Variants in IMPA2 observed in about 807,000 individuals in gnomAD.
The protein encoded by IMPA2 is inositol monophosphatase 2, also known as IMP 2.
In IMPA2, 32 loss-of-function variants were observed where a neutral mutation model predicts 35.1. The ratio of observed to expected loss-of-function variants is 0.91; its 90% CI spans 0.69 to 1.23. IMPA2 has a LOEUF of 1.23. IMPA2 is among the 50% of genes most tolerant of loss of function. IMPA2 has a pLI of 0.00. For synonymous variants in IMPA2, 135 were observed against 160.6 expected (o/e 0.84, Z 1.20); for missense variants, 334 against 387.6 (o/e 0.86, Z 1.16).
chr18:12,009,912 G>C lies in IMPA2; in HGVS notation c.260G>C (p.Gly87Ala). ...RFIAEEAAAS[G>A]AKCVLTHSPT... is the part of the protein sequence containing the mutation. ...ATTGCAGAAGAGGCCGCGGCTTCTG[G>C]GGCCAAGTGTGTGCTCACCCACAGC... The change falls in exon 3 of 8, where the codon GGG becomes GCG. Residue 87 changes from glycine (G) to alanine (A), a missense_variant. Gly to Ala is a moderately conservative substitution (Grantham distance 60). Coordinates refer to ENST00000269159, the MANE Select transcript of IMPA2 (RefSeq NM_014214.3). The C allele has an allele frequency of 6.2e-7, 1 of 1,614,124 alleles. No individual in the cohort carries two copies. The highest frequency in any genetic ancestry group is 8.5e-7 in the Non-Finnish European group (1 of 1,180,026).
At chr18:12,000,848 C>G (rs553307430) in intron 2 of IMPA2, among the ~76,000 whole-genome samples, 22 of 150,970 alleles carry the variant, frequency 1.5e-4, no homozygotes, top group Non-Finnish European at 3.1e-4. Flanking sequence ...ATCTCCTGAC[C>G]TCATGATCCG....
intron 1 of IMPA2, among the ~76,000 whole-genome samples, chr18:11,984,080 G>T (rs997357359): frequency 1.2e-4 from 18 of 152,180 alleles, no homozygotes; most frequent in Admixed American, 1.2e-3. Context: ...GCGGAAAGGT[G>T]AGGGAGCCGA....
At chr18:12,009,289 CA>C (rs575163199) in intron 2 of IMPA2, among the ~76,000 whole-genome samples, 91 of 152,004 alleles carry the variant, frequency 6.0e-4, no homozygotes, top group African/African-American at 2.2e-3. Context: ...AAAACAACAA[CA>C]AAAAAACCAG....
At chr18:12,008,286 G>C (rs573280274) in intron 2 of IMPA2, 2 of 506,664 alleles carry the variant, frequency 3.9e-6, no homozygotes, top group African/African-American at 3.9e-5. Context: ...GTGAGCCACC[G>C]CGCCTTGCTT....
At chr18:12,017,576 C>A in intron 5 of IMPA2, 1 of 426,678 alleles carries the variant, frequency 2.3e-6, no homozygotes, top group South Asian at 1.7e-5. Flanking sequence ...CTAGGAAGTA[C>A]GTATTTTTTA....
chr18:12,027,981 G>A (rs1235733699), intron 5 of IMPA2, 62 bp from the exon 6 acceptor site: 20 of 1,047,908 alleles, frequency 1.9e-5, no homozygotes, highest in Admixed American at 1.7e-5. Context: ...TTGGAAGCCT[G>A]TACTCCTTAG....
At chr18:11,984,084 G>A (rs566196687) in intron 1 of IMPA2, among the ~76,000 whole-genome samples, 7 of 152,276 alleles carry the variant, frequency 4.6e-5, no homozygotes, top group Admixed American at 4.6e-4. Context: ...AAAGGTGAGG[G>A]AGCCGAAGGA....
At chr18:12,019,742 C>T (rs190949505) in intron 5 of IMPA2, among the ~76,000 whole-genome samples, 3 of 151,988 alleles carry the variant, frequency 2.0e-5, no homozygotes, top group Non-Finnish European at 2.9e-5. Flanking sequence ...AGATTTTCAG[C>T]GCTTCTAAGT....
At chr18:12,011,469 C>G (rs1437461639) in intron 3 of IMPA2, among the ~76,000 whole-genome samples, 1 of 152,218 alleles carries the variant, frequency 6.6e-6, no homozygotes, top group African/African-American at 2.4e-5. Context: ...GCGGCTCATC[C>G]CAAGGTCCCA....
In IMPA2 at chr18:11,981,687, G is replaced by A; in HGVS notation, c.18G>A (p.Glu6=). Reference sequence around the variant, plus strand: ...AGGCCGCGATGAAGCCGAGCGGCGAGGACCAGGCGGCGCTGGCGGCCGGCC... The same window carrying A: ...AGGCCGCGATGAAGCCGAGCGGCGAAGACCAGGCGGCGCTGGCGGCCGGCC... The part of the protein sequence containing the change: MKPSG[E]DQAALAAGPW... The change falls in exon 1 of 8, where the codon GAG becomes GAA. Residue 6 remains glutamate, a synonymous_variant. Coordinates refer to ENST00000269159, the MANE Select transcript of IMPA2 (RefSeq NM_014214.3). 1 of 1,230,884 alleles carries A rather than the reference G, an allele frequency of 8.1e-7. No individual in the cohort carries two copies. The highest frequency in any genetic ancestry group is 4.0e-5 in the South Asian group (1 of 25,242). The allele number at this position is 1,230,884 out of a possible 1,614,324, so 76.2% of individuals were successfully genotyped here.
intron 1 of IMPA2, among the ~76,000 whole-genome samples, chr18:11,989,933 A>T (rs1906767128): frequency 1.3e-5 from 2 of 152,166 alleles, no homozygotes; most frequent in African/African-American, 4.8e-5. Flanking sequence ...CTCGAGCTTT[A>T]GGGGTGGAGG....
intron 1 of IMPA2, chr18:11,994,053 A>G (rs1049940331): frequency 2.6e-5 from 4 of 152,276 alleles, no homozygotes; most frequent in African/African-American, 9.6e-5. Context: ...ATAAATATTA[A>G]TAAAAGCAGA....
rs148295126 is a variant in IMPA2 at position 11,984,212 on chromosome 18, T to A, written c.96+2447T>A. Among the ~76,000 whole-genome samples the A allele has an allele frequency of 7.5e-3, 1,138 of 152,318 alleles. 19 individuals are homozygous for A. Among genetic ancestry groups the A allele is most frequent in the African/African-American group, 0.025 (1,031 of 41,564 alleles). ...CTGCCCCAGTTCTGGCAGGCTTCCC[T>A]GTCCCAGGCTCCCAATTCCCTCACC... On this transcript the variant is annotated intron_variant, in intron 1 of 7. Coordinates refer to ENST00000269159, the MANE Select transcript of IMPA2 (RefSeq NM_014214.3).
Position 11,991,825 on chromosome 18 carries a change from C to T in IMPA2, c.97-7229C>T, listed in dbSNP as rs1453928523. ...CTTTCCTGATTAAGATGCTGATGCC[C>T]TCGCAGAAACACCCAGAACAATTTT... is the stretch of plus-strand genomic sequence containing the variant. On this transcript the variant is annotated intron_variant, in intron 1 of 7. Coordinates refer to ENST00000269159, the MANE Select transcript of IMPA2 (RefSeq NM_014214.3). The surrounding 1 kb of genome is among the most constrained non-coding windows in gnomAD (Gnocchi z 4.1). 2.0e-5 allele frequency among the ~76,000 whole-genome samples: 3 copies of T among 151,468 alleles called. No individual in the cohort carries two copies. The East Asian group carries it at 5.9e-4, about 30-fold the overall frequency.
intron 1 of IMPA2, among the ~76,000 whole-genome samples, chr18:11,996,568 G>A (rs944519812): frequency 3.3e-5 from 5 of 152,136 alleles, no homozygotes; most frequent in South Asian, 2.1e-4. Context: ...CACCCCGCCC[G>A]CTGAGGTGGA....
intron 2 of IMPA2, among the ~76,000 whole-genome samples, chr18:12,001,748 G>A (rs1262233779): frequency 6.6e-6 from 1 of 152,192 alleles, no homozygotes; most frequent in Non-Finnish European, 1.5e-5. Flanking sequence ...TAGGTAGGGT[G>A]AGACAGGCTT....
intron 3 of IMPA2, among the ~76,000 whole-genome samples, chr18:12,011,316 G>A (rs566062413): frequency 3.3e-5 from 5 of 152,302 alleles, no homozygotes; most frequent in African/African-American, 9.6e-5. Flanking sequence ...GAAGACATCC[G>A]AAAGCCACCA....
At chr18:12,007,632 T>TTTCTTTCTTTCTTTCTTTTTCTTTC in intron 2 of IMPA2, among the ~76,000 whole-genome samples, 1 of 31,026 alleles carries the variant, frequency 3.2e-5, no homozygotes, top group African/African-American at 9.1e-5. Context: ...TTCTTTCTTC[T>TTTCTTTCTTTCTTTCTTTTTCTTTC]TTCTTTCTTT....
chr18:11,999,031 C>A, intron 1 of IMPA2, 23 bp from the exon 2 acceptor site: 1 of 1,593,886 alleles, frequency 6.3e-7, no homozygotes, highest in South Asian at 1.1e-5. Context: ...ATGTTTAACC[C>A]AAATCCCGTA....
Sources: gnomAD v4.1 joint callset for allele counts (sites outside exome capture counted in the v4.1 genomes callset) on GRCh38, gnomAD v4.1.1 for gene constraint, Gnocchi (gnomAD v3.1) non-coding constraint, MANE v1.5 for transcripts, NCBI Gene and HGNC (gene_info 2026-07-23, HGNC 2026-07-21) for gene names.